The following SMARCA1 variants were observed in gnomAD, a reference collection of about 807,000 sequenced individuals.
SMARCA1 encodes the protein SNF2 related chromatin remodeling ATPase 1.
Under a neutral mutation model 93.6 loss-of-function variants are expected in SMARCA1, and 17 were observed. The observed-to-expected ratio is 0.18, with a 90% confidence interval of 0.12 to 0.27. The LOEUF is 0.27. Ranked by LOEUF, SMARCA1 falls within the 10% of genes least tolerant of loss-of-function variation. The pLI, the probability that SMARCA1 is intolerant of heterozygous loss-of-function variation, is 1.00. For synonymous variants in SMARCA1, 271 were observed against 271.4 expected, an observed-to-expected ratio of 1.00 and a Z score of 0.01; for missense variants, 630 against 819.0, an observed-to-expected ratio of 0.77 and a Z score of 2.82.
chrX:129,461,934 T>G (rs1249930332), intron 23 of SMARCA1, among the ~76,000 whole-genome samples: 1 of 111,734 alleles, frequency 8.9e-6, no homozygotes, highest in African/African-American at 3.2e-5. Flanking sequence ...TAGCTAGCAT[T>G]TTTTAATGAA....
chrX:129,450,953 C>T (rs1909081192), intron 23 of SMARCA1, among the ~76,000 whole-genome samples: 1 of 111,331 alleles, frequency 9.0e-6, no homozygotes, highest in African/African-American at 3.3e-5. Flanking sequence ...ATAAGATCAA[C>T]TATCCAGGCA....
At chrX:129,448,469 A>T in intron 23 of SMARCA1, 26 bp from the exon 24 acceptor site, 1 of 1,141,326 alleles carries the variant, frequency 8.8e-7, no homozygotes, top group African/African-American at 1.8e-5. Flanking sequence ...AAGATTTTTA[A>T]TTTCTGCAAC....
intron 19 of SMARCA1, among the ~76,000 whole-genome samples, chrX:129,478,499 C>G (rs1177893011): frequency 9.0e-6 from 1 of 111,217 alleles, no homozygotes; most frequent in African/African-American, 3.3e-5. Flanking sequence ...TATACCTCTC[C>G]TCCTCCCCTT....
chrX:129,492,514 C>T (rs1421529290), intron 13 of SMARCA1, among the ~76,000 whole-genome samples: 1 of 111,005 alleles, frequency 9.0e-6, no homozygotes, highest in Non-Finnish European at 1.9e-5. Flanking sequence ...TTTCCATTAG[C>T]TTATGAATGA....
chrX:129,501,611 G>C (rs192988395), intron 9 of SMARCA1, among the ~76,000 whole-genome samples: 2 of 102,308 alleles, frequency 2.0e-5, no homozygotes, highest in Non-Finnish European at 4.0e-5. Flanking sequence ...AACTTTTTTT[G>C]GGGGGGGAGG....
At chrX:129,489,873 T>A (rs73225561) in intron 15 of SMARCA1, among the ~76,000 whole-genome samples, 187 bp downstream of exon 15, 7,152 of 112,116 alleles carry the variant, frequency 0.064, 268 homozygotes, top group African/African-American at 0.14. Context: ...TTAGCATTTT[T>A]AAATTTTTTC....
chrX:129,484,449 T>C (rs762082148), intron 17 of SMARCA1, among the ~76,000 whole-genome samples: 29 of 111,160 alleles, frequency 2.6e-4, no homozygotes, highest in African/African-American at 9.5e-4. Flanking sequence ...CTAAAAGCTA[T>C]CAGAAGCAGT....
chrX:129,506,217 A>C lies in SMARCA1; in HGVS notation c.967-6T>G. Reference sequence around the variant, plus strand: ...TCACGAACAATCTCTGAAAGCTAGAAAATAATACTCATATGAGGATTATTT... The same window carrying C: ...TCACGAACAATCTCTGAAAGCTAGACAATAATACTCATATGAGGATTATTT... On this transcript the variant is annotated splice_polypyrimidine_tract_variant and splice_region_variant and intron_variant, in intron 7 of 24. Transcript: ENST00000371121. 8.7e-7 allele frequency: 1 copy of C among 1,156,048 alleles called. No individual in the cohort carries two copies. Among genetic ancestry groups the C allele is most frequent in the Non-Finnish European group, 1.2e-6 (1 of 846,664 alleles).
intron 14 of SMARCA1, among the ~76,000 whole-genome samples, 172 bp from the exon 15 acceptor site, chrX:129,490,364 T>C (rs1035882669): frequency 6.2e-5 from 7 of 112,124 alleles, no homozygotes; most frequent in Non-Finnish European, 1.9e-5. Context: ...AACAAAGAAA[T>C]CTGCAAATAT....
intron 23 of SMARCA1, among the ~76,000 whole-genome samples, chrX:129,460,643 A>G (rs1932792358): frequency 8.9e-6 from 1 of 111,998 alleles, no homozygotes; most frequent in Non-Finnish European, 1.9e-5. Context: ...AAGTACTAAC[A>G]TGGAAATTAA....
At position 129,446,998 on chromosome X, in the gene SMARCA1, CA is replaced by C. The variant is rs1932042731; in HGVS notation, c.*163del. The stretch of plus-strand genomic sequence containing the variant: ...TAGAATGCCATAAAATATAAAGCTA[CA>C]CATTTCAGGTAGAAAGCATTGTAAA... On this transcript the variant is annotated 3_prime_UTR_variant, in exon 25 of 25. Coordinates refer to ENST00000371121, the MANE Select transcript of SMARCA1 (RefSeq NM_001282874.2). 2 of 429,473 alleles carry C rather than the reference CA, an allele frequency of 4.7e-6. No homozygotes were observed. The highest frequency in any genetic ancestry group is 2.5e-5 in the African/African-American group (1 of 39,739). 35.4% of individuals were successfully genotyped at this position (429,473 alleles called of 1,213,427 possible). A position where few individuals can be genotyped will look rare whatever the true frequency, so the allele number is the denominator to read the frequency against.
At chrX:129,483,784 C>A (rs1410606896) in intron 17 of SMARCA1, among the ~76,000 whole-genome samples, 1 of 111,767 alleles carries the variant, frequency 8.9e-6, no homozygotes, top group African/African-American at 3.2e-5. Context: ...AGGATCACAG[C>A]CATCATGATT....
intron 16 of SMARCA1, among the ~76,000 whole-genome samples, chrX:129,488,610 TA>T (rs35620990): frequency 0.36 from 23,550 of 64,722 alleles, 3,618 homozygotes; most frequent in East Asian, 0.48. Flanking sequence ...CCTGTCTCTT[TA>T]AAAAAAAAAA....
chrX:129,516,532 C>T, intron 2 of SMARCA1, 35 bp from the exon 3 acceptor site: 1 of 1,082,045 alleles, frequency 9.2e-7, no homozygotes, highest in Admixed American at 2.6e-5. Context: ...TAAGGACTTT[C>T]CTTTTCATTC....
chrX:129,523,142 C>G lies in SMARCA1; in HGVS notation c.174+55G>C, dbSNP rs367702375. 1.7e-4 allele frequency: 200 copies of G among 1,173,718 alleles called. 1 individual carries two copies. The African/African-American group carries it at 2.8e-3, about 16-fold the overall frequency. ...CCGAAAGGTCAGGGTTTGGGCCCCTCAGAGGGGCCAGGCACAGGATTTGTC... is the reference window on the plus strand; with the variant it reads ...CCGAAAGGTCAGGGTTTGGGCCCCTGAGAGGGGCCAGGCACAGGATTTGTC... On this transcript the variant is annotated intron_variant, in intron 1 of 24. Transcript: ENST00000371121.
At chrX:129,481,455 T>G (rs1487980034) in intron 17 of SMARCA1, among the ~76,000 whole-genome samples, 1 of 111,823 alleles carries the variant, frequency 8.9e-6, no homozygotes, top group Non-Finnish European at 1.9e-5. Context: ...TACAATCTGG[T>G]TTTTTTTGGT....
intron 21 of SMARCA1, 125 bp from the exon 22 acceptor site, chrX:129,466,087 T>A (rs1457207930): frequency 3.1e-6 from 1 of 322,923 alleles, no homozygotes; most frequent in Non-Finnish European, 5.4e-6. Flanking sequence ...AAGATTCAGA[T>A]TAATCTTATA....
intron 23 of SMARCA1, among the ~76,000 whole-genome samples, chrX:129,451,775 C>A (rs1029358162): frequency 6.7e-5 from 7 of 104,494 alleles, no homozygotes; most frequent in Non-Finnish European, 1.4e-4. Context: ...ACGATCTCGG[C>A]TCACTGCAAG....
intron 11 of SMARCA1, among the ~76,000 whole-genome samples, chrX:129,497,398 C>T (rs1602706792): frequency 1.8e-5 from 2 of 111,708 alleles, no homozygotes; most frequent in East Asian, 5.6e-4. Flanking sequence ...CATAATTTGG[C>T]TCCATCCATC....
Sources: gnomAD v4.1 joint callset for allele counts (sites outside exome capture counted in the v4.1 genomes callset) on GRCh38, gnomAD v4.1.1 for gene constraint, MANE v1.5 for transcripts, NCBI Gene and HGNC (gene_info 2026-07-23, HGNC 2026-07-21) for gene names.